The following SLC25A29 variants were observed in gnomAD, a reference collection of about 807,000 sequenced individuals.
The protein encoded by SLC25A29 is solute carrier family 25 member 29, also known as mitochondrial basic amino acids transporter.
A neutral mutation model predicts 10.0 loss-of-function variants in SLC25A29; 13 were observed. The observed-to-expected ratio is 1.30, with a 90% CI of 0.85 to 2.07. SLC25A29 has a LOEUF of 2.07. Among genes scored for constraint, SLC25A29 ranks in the 30% most tolerant of loss-of-function variants. The pLI is 0.00. For missense variants in SLC25A29, 475 were observed against 447.6 expected (o/e 1.06, Z -0.55); for synonymous variants, 244 against 221.1 (o/e 1.10, Z -0.92).
At chr14:100,295,409 C>T (rs1287819640) in intron 2 of SLC25A29, 1 of 366,654 alleles carries the variant, frequency 2.7e-6, no homozygotes, top group East Asian at 7.7e-5. Context: ...GCTCCCAGCT[C>T]CCCATAGGGC....
At chr14:100,297,631 G>A (rs563035435) in intron 2 of SLC25A29, among the ~76,000 whole-genome samples, 4 of 152,370 alleles carry the variant, frequency 2.6e-5, no homozygotes, top group African/African-American at 9.6e-5. Context: ...GGGCATGGCT[G>A]GGGCCGGGGG....
chr14:100,291,804 C>CTAACTG lies in SLC25A29; in HGVS notation c.*478_*479insCAGTTA. On this transcript the variant is annotated 3_prime_UTR_variant, in exon 4 of 4. Transcript: ENST00000359232. ...ACCAGGAGGCACACCAAGTTTTCCTCTGTCCCTAACACAGACCAGAGGGGT... is the reference window on the plus strand; with the variant it reads ...ACCAGGAGGCACACCAAGTTTTCCTCTAACTGTGTCCCTAACACAGACCAGAGGGGT... 5.6e-6 allele frequency: 1 copy of CTAACTG among 177,760 alleles called. No homozygotes were observed. Among genetic ancestry groups the CTAACTG allele is most frequent in the Middle Eastern group, 2.5e-3 (1 of 406 alleles). 11.0% of individuals were successfully genotyped at this position (177,760 alleles called of 1,614,324 possible).
rs780490364 is a variant in SLC25A29 at position 100,292,438 on chromosome 14, ACGCCAGCCCCCGTGTGAAGACG to A, written c.735_756del (p.Val246ProfsTer94). The stretch of plus-strand genomic sequence containing the variant: ...ACGGGGAAGGCGCGCAGCAGCGTGG[ACGCCAGCCCCCGTGTGAAGACG>A]CGCCAGCCCTCGGCGCGGTAGCTCT... On this transcript the variant is annotated frameshift_variant, in exon 4 of 4. Transcript: ENST00000359232. LOFTEE classifies it low-confidence loss of function (END_TRUNC). 51 of 1,578,996 alleles carry A rather than the reference ACGCCAGCCCCCGTGTGAAGACG, an allele frequency of 3.2e-5. No homozygotes were observed. Among genetic ancestry groups the A allele is most frequent in the Middle Eastern group, 1.7e-4 (1 of 6,020 alleles).
At chr14:100,286,329 G>A (rs1467771582), downstream of SLC25A29, among the ~76,000 whole-genome samples, 1 of 152,188 alleles carries the variant, frequency 6.6e-6, no homozygotes, top group Non-Finnish European at 1.5e-5. Flanking sequence ...AGCCCACCAT[G>A]TTCCCCTGTG....
At chr14:100,299,683 C>A in intron 1 of SLC25A29, 9 of 985,166 alleles carry the variant, frequency 9.1e-6, no homozygotes, top group Non-Finnish European at 1.1e-5. Context: ...GTCTTGCCAC[C>A]ACTGTGAGTA....
At chr14:100,280,925 G>A in the SLC25A29 span, 1 of 152,024 alleles carries the variant, frequency 6.6e-6, no homozygotes, top group Non-Finnish European at 1.5e-5. Context: ...CTAAAAAGAA[G>A]TTTTGGAATT....
chr14:100,295,938 T>A lies in SLC25A29; in HGVS notation c.79-2561A>T, dbSNP rs374885536. On this transcript the variant is annotated intron_variant, in intron 2 of 3. Coordinates refer to ENST00000359232, the MANE Select transcript of SLC25A29 (RefSeq NM_001039355.3). ...GCCGTGTGCTTCAGGACGGTGGCTG[T>A]GGTTCTGGGCGCTATAGAGGAGATC... is the stretch of plus-strand genomic sequence containing the variant. 1.6e-5 allele frequency: 21 copies of A among 1,289,594 alleles called. No individual in the cohort carries two copies. The East Asian group carries it at 9.4e-4, about 58-fold the overall frequency. The allele number at this position is 1,289,594 out of a possible 1,614,324, so 79.9% of individuals were successfully genotyped here.
rs1310485263 is a variant in SLC25A29, at chr14:100,306,366, G to C, written c.-134C>G. The C allele has an allele frequency of 1.6e-5, 14 of 886,078 alleles. No individual in the cohort carries two copies. Among genetic ancestry groups the C allele is most frequent in the Non-Finnish European group, 2.1e-5 (14 of 675,990 alleles). The allele number at this position is 886,078 out of a possible 1,614,324, so 54.9% of individuals were successfully genotyped here. ...GGCCGCTCCTCCTGGCGCGGAGCCC[G>C]GGCAGGCGCGGTCAGGGATGGTGGG... On this transcript the variant is annotated 5_prime_UTR_variant, in exon 1 of 4. Transcript: ENST00000359232.
At chr14:100,293,077 C>T (rs1891878350) in intron 3 of SLC25A29, 45 bp from the exon 4 acceptor site, 15 of 1,486,932 alleles carry the variant, frequency 1.0e-5, no homozygotes, top group Non-Finnish European at 1.3e-5. Context: ...GCGCACCTCC[C>T]GGGCCCTCCA....
Position 100,292,685 on chromosome 14 carries a change from G to T in SLC25A29, c.510C>A (p.Leu170=). The change falls in exon 4 of 4, where the codon CTC becomes CTA. Residue 170 remains leucine, a synonymous_variant. Transcript: ENST00000359232. ...GCGCCCGCGTGAGAGCGTCATAGGT[G>T]AGGAAGTAGACGCCGAAGCTGGGCG... The part of the protein sequence containing the change: ...RETPSFGVYF[L]TYDALTRALG... The T allele has an allele frequency of 6.2e-7, 1 of 1,603,098 alleles. No homozygotes were observed. Among genetic ancestry groups the T allele is most frequent in the Non-Finnish European group, 8.5e-7 (1 of 1,176,284 alleles).
Position 100,292,801 on chromosome 14 carries a change from T to C in SLC25A29, c.394A>G (p.Lys132Glu). 1 of 1,593,414 alleles carries C rather than the reference T, an allele frequency of 6.3e-7. No homozygotes were observed. The highest frequency in any genetic ancestry group is 8.5e-7 in the Non-Finnish European group (1 of 1,171,974). The change falls in exon 4 of 4, where the codon AAG (lysine) becomes GAG (glutamate). Residue 132 changes from lysine (K) to glutamate (E), a missense_variant. Physicochemically the swap from Lys to Glu is moderately conservative, Grantham distance 56. Coordinates refer to ENST00000359232, the MANE Select transcript of SLC25A29 (RefSeq NM_001039355.3). ...TGCGCGAGGCAGTCCAGCGAGCCCT[T>C]GTAGGTGCGCGCTGGGCCCGCGTCC... ...LQDAGPARTY[K>E]GSLDCLAQIY...
At chr14:100,290,836 C>G (rs1262138629), downstream of SLC25A29, among the ~76,000 whole-genome samples, 1 of 152,242 alleles carries the variant, frequency 6.6e-6, no homozygotes, top group Non-Finnish European at 1.5e-5. Flanking sequence ...CCGCCAGTGC[C>G]CCTCACCACA....
Position 100,292,433 on chromosome 14 carries a change from C to A in SLC25A29, c.762G>T (p.Thr254=). 1 of 1,579,276 alleles carries A rather than the reference C, an allele frequency of 6.3e-7. No homozygotes were observed. The highest frequency in any genetic ancestry group is 8.6e-7 in the Non-Finnish European group (1 of 1,165,114). Residue 254 remains threonine (T), a synonymous_variant, in exon 4 of 4, where the codon ACG becomes ACT. Transcript: ENST00000359232. Reference sequence around the variant, plus strand: ...CGTTGACGGGGAAGGCGCGCAGCAGCGTGGACGCCAGCCCCCGTGTGAAGA... The same window carrying A: ...CGTTGACGGGGAAGGCGCGCAGCAGAGTGGACGCCAGCCCCCGTGTGAAGA... ...WRVFTRGLAS[T]LLRAFPVNAA...
At position 100,302,342 on chromosome 14, in the gene SLC25A29, G is replaced by A. The variant is rs145513130; in HGVS notation, c.35-3457C>T. On this transcript the variant is annotated intron_variant, in intron 1 of 3. Transcript: ENST00000359232. The stretch of plus-strand genomic sequence containing the variant: ...ATTACAGGCTTGAGCCACCAAGCTC[G>A]GCCCAAAATCTATTTCTTTCTTTTT... Among the ~76,000 whole-genome samples the A allele has an allele frequency of 4.4e-3, 661 of 151,364 alleles. 6 individuals are homozygous for A. Among genetic ancestry groups the A allele is most frequent in the African/African-American group, 0.015 (633 of 41,274 alleles).
At chr14:100,295,462 ATTT>A (rs1033008436) in intron 2 of SLC25A29, 4 of 716,358 alleles carry the variant, frequency 5.6e-6, no homozygotes, top group Non-Finnish European at 7.8e-6. Context: ...GAGGGGGCTG[ATTT>A]TTTTTGGCCA....
intron 2 of SLC25A29, chr14:100,295,504 T>C (rs907577485): frequency 8.7e-7 from 1 of 1,146,828 alleles, no homozygotes; most frequent in African/African-American, 1.6e-5. Context: ...GGACCTGTGC[T>C]GAGCCCAAGC....
rs1892564171 is a variant in SLC25A29 at position 100,301,740 on chromosome 14, G to A, written c.35-2855C>T. ...TTAGCCAGGATGGTCTCGATCTCCT[G>A]ACCTCGTGATCCACCCGCCTCGGCC... On this transcript the variant is annotated intron_variant, in intron 1 of 3. Transcript: ENST00000359232. 2.1e-5 allele frequency among the ~76,000 whole-genome samples: 3 copies of A among 145,900 alleles called. No homozygotes were observed. The South Asian group carries it at 6.7e-4, about 32-fold the overall frequency.
chr14:100,297,700 G>A (rs1566803527), intron 2 of SLC25A29, among the ~76,000 whole-genome samples: 1 of 152,232 alleles, frequency 6.6e-6, no homozygotes, highest in Non-Finnish European at 1.5e-5. Flanking sequence ...CAAACGTGGG[G>A]CCGCTGCCTG....
chr14:100,294,735 C>G (rs1254045097), intron 2 of SLC25A29: 1 of 152,198 alleles, frequency 6.6e-6, no homozygotes. Context: ...ATTCTGGAAC[C>G]TTTTCCAATT....
Sources: gnomAD v4.1 joint callset for allele counts (sites outside exome capture counted in the v4.1 genomes callset) on GRCh38, gnomAD v4.1.1 for gene constraint, MANE v1.5 for transcripts, NCBI Gene and HGNC (gene_info 2026-07-23, HGNC 2026-07-21) for gene names.